The following UNC5C variants were observed in gnomAD, a reference collection of about 807,000 sequenced individuals.
The protein encoded by UNC5C is netrin receptor UNC5C.
In UNC5C, 47 loss-of-function variants were observed where a neutral mutation model predicts 99.8. The observed-to-expected ratio is 0.47, with a 90% CI of 0.37 to 0.60. The LOEUF (loss-of-function observed/expected upper bound fraction) is 0.60. UNC5C is among the 20% of genes least tolerant of loss of function. The pLI, the probability that UNC5C is intolerant of heterozygous loss-of-function variation, is 0.00. For missense variants in UNC5C, 1,062 were observed against 1,165.9 expected (o/e 0.91, Z 1.30); for synonymous variants, 487 against 452.2 (o/e 1.08, Z -0.98).
At chr4:95,412,144 A>G (rs1391989972) in intron 1 of UNC5C, among the ~76,000 whole-genome samples, 1 of 151,318 alleles carries the variant, frequency 6.6e-6, no homozygotes, top group Non-Finnish European at 1.5e-5. Flanking sequence ...CTTCCTCAAC[A>G]CTCACATTCA....
At chr4:95,306,494 G>A (rs776623506) in intron 2 of UNC5C, among the ~76,000 whole-genome samples, 5 of 152,108 alleles carry the variant, frequency 3.3e-5, no homozygotes, top group Non-Finnish European at 7.4e-5. Context: ...GAGCCACCAC[G>A]CCTGCCTCTT....
At chr4:95,263,504 G>A (rs1359735123) in intron 4 of UNC5C, among the ~76,000 whole-genome samples, 1 of 152,168 alleles carries the variant, frequency 6.6e-6, no homozygotes, top group Non-Finnish European at 1.5e-5. Flanking sequence ...AGGAGTGGGA[G>A]TTGGAGGTCA....
Position 95,202,967 on chromosome 4 carries a change from G to A in UNC5C, c.1903-3C>T. The A allele has an allele frequency of 1.9e-6, 3 of 1,613,948 alleles. No homozygotes were observed. The highest frequency in any genetic ancestry group is 2.5e-6 in the Non-Finnish European group (3 of 1,179,974). On this transcript the variant is annotated splice_polypyrimidine_tract_variant and splice_region_variant and intron_variant, in intron 11 of 15. Transcript: ENST00000453304. ...TCCTCCCCGACCACCACCACATCCT[G>A]GGGGACAAGAGGGAAGGGCCATGGC...
chr4:95,521,469 C>T (rs369221121), intron 1 of UNC5C, among the ~76,000 whole-genome samples: 30 of 151,852 alleles, frequency 2.0e-4, no homozygotes, highest in South Asian at 6.2e-4. Context: ...CCACCTGGCT[C>T]GGCCTCCCAA....
At chr4:95,220,870 C>T (rs769685112) in intron 7 of UNC5C, among the ~76,000 whole-genome samples, 2 of 152,172 alleles carry the variant, frequency 1.3e-5, no homozygotes, top group Non-Finnish European at 2.9e-5. Flanking sequence ...GAGCTTCTCA[C>T]GGTCCCCTGT....
rs1461485934 is a variant in UNC5C at position 95,168,039 on chromosome 4, T to G, written c.*1195A>C. 1.3e-5 allele frequency: 2 copies of G among 152,134 alleles called. No homozygotes were observed. The highest frequency in any genetic ancestry group is 2.9e-5 in the Non-Finnish European group (2 of 68,042). The allele number at this position is 152,134 out of a possible 1,614,324, so 9.4% of individuals were successfully genotyped here. Reference sequence around the variant, plus strand: ...TGAGAACTGGTTTCTTGATCTCCAGTTTAGAGTCCATTCCTCCAACCACAC... The same window carrying G: ...TGAGAACTGGTTTCTTGATCTCCAGGTTAGAGTCCATTCCTCCAACCACAC... On this transcript the variant is annotated 3_prime_UTR_variant, in exon 16 of 16. Coordinates refer to ENST00000453304, the MANE Select transcript of UNC5C (RefSeq NM_003728.4).
chr4:95,539,959 C>T (rs73842326), intron 1 of UNC5C, among the ~76,000 whole-genome samples: 120 of 151,100 alleles, frequency 7.9e-4, no homozygotes, highest in African/African-American at 2.7e-3. Context: ...AGTAAATAAA[C>T]TATAATATTT....
intron 1 of UNC5C, among the ~76,000 whole-genome samples, chr4:95,438,513 A>G (rs1490505961): frequency 6.6e-6 from 1 of 152,142 alleles, no homozygotes; most frequent in Non-Finnish European, 1.5e-5. Context: ...TATATGTCTC[A>G]AAACAGAAAA....
At chr4:95,477,336 A>C (rs1477177993) in intron 1 of UNC5C, among the ~76,000 whole-genome samples, 1 of 152,080 alleles carries the variant, frequency 6.6e-6, no homozygotes, top group Non-Finnish European at 1.5e-5. Flanking sequence ...CAGAGGAAAG[A>C]AATTGCAACA....
At chr4:95,356,214 A>AAAAAAAAC (rs1744191187) in intron 1 of UNC5C, among the ~76,000 whole-genome samples, 9 of 54,310 alleles carry the variant, frequency 1.7e-4, no homozygotes, top group South Asian at 1.5e-3. Context: ...AAAAAAAAAC[A>AAAAAAAAC]AAACAAAAAA....
intron 1 of UNC5C, among the ~76,000 whole-genome samples, chr4:95,445,450 T>C (rs573194382): frequency 6.6e-5 from 10 of 152,292 alleles, no homozygotes; most frequent in Admixed American, 6.5e-4. Flanking sequence ...CCGCTCTTGA[T>C]AACAACAGTC....
rs149830211 is a variant in UNC5C at position 95,471,156 on chromosome 4, G to A, written c.124+77578C>T. The stretch of plus-strand genomic sequence containing the variant: ...GAGGGCGGGGTGGGGGTGGTAAGCC[G>A]TTACTGAGAAGGCTGGAATTAAAAG... On this transcript the variant is annotated intron_variant, in intron 1 of 15. Coordinates refer to ENST00000453304, the MANE Select transcript of UNC5C (RefSeq NM_003728.4). 1.8e-3 allele frequency among the ~76,000 whole-genome samples: 274 copies of A among 152,064 alleles called. 1 individual carries two copies. Among genetic ancestry groups the A allele is most frequent in the African/African-American group, 6.2e-3 (259 of 41,492 alleles).
At chr4:95,465,503 C>T (rs1747744907) in intron 1 of UNC5C, among the ~76,000 whole-genome samples, 1 of 151,368 alleles carries the variant, frequency 6.6e-6, no homozygotes, top group African/African-American at 2.4e-5. Context: ...TGTCCTAGCT[C>T]CTCTGGAGGT....
At chr4:95,484,018 G>A (rs1721252465) in intron 1 of UNC5C, among the ~76,000 whole-genome samples, 1 of 151,626 alleles carries the variant, frequency 6.6e-6, no homozygotes, top group Admixed American at 6.6e-5. Context: ...CACTTTTGAG[G>A]TCACATTCCA....
rs1735784459 is a variant in UNC5C at position 95,164,351 on chromosome 4, A to G, written c.*4883T>C. On this transcript the variant is annotated 3_prime_UTR_variant, in exon 16 of 16. Transcript: ENST00000453304. The stretch of plus-strand genomic sequence containing the variant: ...TGCCTTATTCCATTAAAAAGAAATA[A>G]TTAGAGATGCAAAGGAAATCTTCCA... 1 of 152,192 alleles carries G rather than the reference A, an allele frequency of 6.6e-6. No individual in the cohort carries two copies. The highest frequency in any genetic ancestry group is 2.4e-5 in the African/African-American group (1 of 41,456). 9.4% of individuals were successfully genotyped at this position (152,192 alleles called of 1,614,324 possible).
chr4:95,261,955 A>G (rs6811047), intron 4 of UNC5C, among the ~76,000 whole-genome samples: 118,151 of 152,080 alleles, frequency 0.78, 46,665 homozygotes, highest in African/African-American at 0.91. Context: ...TGCCGGCCTC[A>G]GCCTCCCAAA....
chr4:95,315,620 C>T (rs750519367), intron 2 of UNC5C, among the ~76,000 whole-genome samples: 2 of 152,218 alleles, frequency 1.3e-5, no homozygotes, highest in East Asian at 1.9e-4. Context: ...TGTGGATAAA[C>T]AATTTCCACT....
chr4:95,317,914 T>C (rs1291079470), intron 2 of UNC5C, among the ~76,000 whole-genome samples: 1 of 152,136 alleles, frequency 6.6e-6, no homozygotes, highest in East Asian at 1.9e-4. Flanking sequence ...TGACAAATGC[T>C]TGGTGGCTGT....
chr4:95,186,584 A>T lies in UNC5C; in HGVS notation c.2137-1388T>A, dbSNP rs1047742454. On this transcript the variant is annotated intron_variant, in intron 12 of 15. Transcript: ENST00000453304. ...TCTGTCATCTTTTGGTGAGGCAACTATTCTGAACCATGCAAGCTGCTCGAA... is the reference window on the plus strand; with the variant it reads ...TCTGTCATCTTTTGGTGAGGCAACTTTTCTGAACCATGCAAGCTGCTCGAA... Among the ~76,000 whole-genome samples, 4 of 152,336 alleles carry T rather than the reference A, an allele frequency of 2.6e-5. No individual in the cohort carries two copies. The East Asian group carries it at 7.7e-4, about 29-fold the overall frequency.
Sources: allele counts gnomAD v4.1 joint callset (sites outside exome capture counted in the v4.1 genomes callset), GRCh38; gene constraint gnomAD v4.1.1; transcripts MANE v1.5; gene names NCBI Gene and HGNC (gene_info 2026-07-23, HGNC 2026-07-21).